CRYL1: variants seen among roughly 807,000 people sequenced by gnomAD.
The protein encoded by CRYL1 is lambda-crystallin homolog.
In CRYL1, 29 loss-of-function variants were observed where a neutral mutation model predicts 36.6. The observed-to-expected ratio is 0.79, with a 90% CI of 0.59 to 1.08. CRYL1 has a LOEUF of 1.08. Ranked by LOEUF, CRYL1 falls within the 50% of genes least tolerant of loss-of-function variation. The pLI is 0.00. For missense variants in CRYL1, 411 were observed against 407.9 expected (o/e 1.01, Z -0.06); for synonymous variants, 152 against 151.5 (o/e 1.00, Z -0.02).
At chr13:20,432,317 G>T (rs374626134) in intron 4 of CRYL1, 21 bp from the exon 5 acceptor site, 6 of 1,578,692 alleles carry the variant, frequency 3.8e-6, no homozygotes, top group Non-Finnish European at 5.2e-6. Flanking sequence ...AGAGAGAAGT[G>T]GGGGAGTCAA....
chr13:20,412,524 C>T (rs2031550603), intron 6 of CRYL1, among the ~76,000 whole-genome samples: 1 of 152,172 alleles, frequency 6.6e-6, no homozygotes, highest in Non-Finnish European at 1.5e-5. Context: ...ATCTAGGTTA[C>T]ATCTCTCTCC....
At chr13:20,433,618 A>G (rs554737125) in intron 4 of CRYL1, among the ~76,000 whole-genome samples, 1 of 152,350 alleles carries the variant, frequency 6.6e-6, no homozygotes, top group East Asian at 1.9e-4. Flanking sequence ...CCTGTCACCT[A>G]CTGAATTCTT....
At chr13:20,511,853 C>G (rs2033922631) in intron 2 of CRYL1, among the ~76,000 whole-genome samples, 1 of 152,222 alleles carries the variant, frequency 6.6e-6, no homozygotes, top group Non-Finnish European at 1.5e-5. Context: ...ATCCCTAAAA[C>G]AGCCCTCCGC....
intron 2 of CRYL1, among the ~76,000 whole-genome samples, chr13:20,495,841 A>T (rs1221594624): frequency 1.3e-5 from 2 of 152,354 alleles, no homozygotes; most frequent in East Asian, 3.8e-4. Context: ...GTCATATGCC[A>T]GGCTGGAGTG....
chr13:20,460,326 A>G lies in CRYL1; in HGVS notation c.277-20572T>C, dbSNP rs191899928. On this transcript the variant is annotated intron_variant, in intron 3 of 7. Transcript: ENST00000298248. ...GAAAGAGTCAGCATTTTTGAACCAC[A>G]GATTACTACAGCATAGAAAGCGATA... Among the ~76,000 whole-genome samples the G allele has an allele frequency of 1.9e-3, 282 of 152,290 alleles. 1 individual carries two copies. Among genetic ancestry groups the G allele is most frequent in the African/African-American group, 6.6e-3 (274 of 41,550 alleles).
At chr13:20,465,112 G>A (rs1414328374) in intron 3 of CRYL1, among the ~76,000 whole-genome samples, 1 of 152,192 alleles carries the variant, frequency 6.6e-6, no homozygotes, top group Admixed American at 6.5e-5. Flanking sequence ...TTCTTTAGCA[G>A]TCCTGTACAA....
intron 4 of CRYL1, 49 bp downstream of exon 4, chr13:20,439,544 C>CAAAAAAAAAAAAAAAA: frequency 1.8e-6 from 1 of 561,762 alleles, no homozygotes; most frequent in Non-Finnish European, 2.5e-6. Context: ...AAAAAAAAAA[C>CAAAAAAAAAAAAAAAA]ACAGAATGAG....
intron 4 of CRYL1, 67 bp downstream of exon 4, chr13:20,439,526 A>AAG: frequency 1.5e-5 from 16 of 1,097,152 alleles, no homozygotes; most frequent in South Asian, 3.6e-5. Flanking sequence ...AAAAAAAAAA[A>AAG]AAAAGAAAAA....
intron 3 of CRYL1, among the ~76,000 whole-genome samples, chr13:20,449,479 T>C (rs7991002): frequency 0.046 from 6,988 of 151,420 alleles, 340 homozygotes; most frequent in Admixed American, 0.16. Context: ...AAAAAAGAAA[T>C]AAAGAGCAGA....
chr13:20,499,453 C>T (rs1014469190), intron 2 of CRYL1, among the ~76,000 whole-genome samples: 1 of 151,164 alleles, frequency 6.6e-6, no homozygotes, highest in Non-Finnish European at 1.5e-5. Flanking sequence ...TCGAGACTAT[C>T]CTGGCTAACA....
intron 3 of CRYL1, among the ~76,000 whole-genome samples, chr13:20,441,946 G>C (rs1181513563): frequency 1.3e-5 from 2 of 152,090 alleles, no homozygotes; most frequent in Non-Finnish European, 2.9e-5. Flanking sequence ...AAAAAAATCA[G>C]TCATTTAAGA....
chr13:20,429,315 A>G (rs2032001942), intron 5 of CRYL1, among the ~76,000 whole-genome samples: 1 of 152,250 alleles, frequency 6.6e-6, no homozygotes, highest in African/African-American at 2.4e-5. Context: ...AACTATTGAA[A>G]GACTCCAAAA....
chr13:20,501,974 T>C (rs1393627993), intron 2 of CRYL1, among the ~76,000 whole-genome samples: 2 of 152,212 alleles, frequency 1.3e-5, no homozygotes, highest in African/African-American at 4.8e-5. Flanking sequence ...GGCACGGTGA[T>C]AGTGTGTGGA....
intron 3 of CRYL1, 27 bp from the exon 4 acceptor site, chr13:20,439,781 T>C (rs924218388): frequency 1.2e-6 from 2 of 1,606,710 alleles, no homozygotes; most frequent in Middle Eastern, 3.3e-4. Context: ...TAAATGACTA[T>C]TCATGACCAC....
intron 4 of CRYL1, among the ~76,000 whole-genome samples, chr13:20,434,212 G>A (rs1253388209): frequency 2.0e-5 from 3 of 152,198 alleles, no homozygotes; most frequent in African/African-American, 4.8e-5. Flanking sequence ...ATTGAGAGGT[G>A]AGGCCAGCTG....
At chr13:20,419,367 C>T (rs1956687217) in intron 5 of CRYL1, among the ~76,000 whole-genome samples, 1 of 152,128 alleles carries the variant, frequency 6.6e-6, no homozygotes, top group Admixed American at 6.5e-5. Context: ...GATCTCGGCT[C>T]ACTGCAACCT....
At chr13:20,522,948 C>T (rs971569866) in intron 1 of CRYL1, among the ~76,000 whole-genome samples, 1 of 105,282 alleles carries the variant, frequency 9.5e-6, no homozygotes. Context: ...GATGGAGTCT[C>T]ACTCTATCCC....
At chr13:20,524,472 G>C (rs1333210194) in intron 1 of CRYL1, among the ~76,000 whole-genome samples, 1 of 151,978 alleles carries the variant, frequency 6.6e-6, no homozygotes, top group Non-Finnish European at 1.5e-5. Context: ...CCGCCTCCCG[G>C]GTTCAAAGGA....
At chr13:20,510,909 C>CA (rs35059101) in intron 2 of CRYL1, among the ~76,000 whole-genome samples, 6,279 of 149,126 alleles carry the variant, frequency 0.042, 140 homozygotes, top group Middle Eastern at 0.068. Flanking sequence ...AGCTCCGTGG[C>CA]AAAAAAAAAG....
Sources: allele counts gnomAD v4.1 joint callset (sites outside exome capture counted in the v4.1 genomes callset), GRCh38; gene constraint gnomAD v4.1.1; transcripts MANE v1.5; gene names NCBI Gene and HGNC (gene_info 2026-07-23, HGNC 2026-07-21).